Variants in CDC27 observed in about 807,000 individuals in gnomAD.
CDC27 encodes cell division cycle 27.
A neutral mutation model predicts 109.7 loss-of-function variants in CDC27; 27 were observed. That is an observed-to-expected ratio of 0.25 (90% CI 0.18 to 0.34). The LOEUF is 0.34. Among genes scored for constraint, CDC27 ranks in the 10% least tolerant of loss-of-function variants. The pLI is 1.00. For missense variants in CDC27, 579 were observed against 960.2 expected (o/e 0.60, Z 5.25); for synonymous variants, 266 against 333.9 (o/e 0.80, Z 2.22).
Position 47,132,304 on chromosome 17 carries a change from G to A in CDC27, c.1984C>T (p.Leu662Phe), listed in dbSNP as rs374412743. The A allele has an allele frequency of 6.2e-7, 1 of 1,603,092 alleles. No individual in the cohort carries two copies. Among genetic ancestry groups the A allele is most frequent in the Non-Finnish European group, 8.5e-7 (1 of 1,173,542 alleles). The part of the protein sequence containing the change: ...SLAEMHFQKA[L>F]DINPQSSVLL... The stretch of plus-strand genomic sequence containing the variant: ...ACTGAACTTTGAGGGTTGATATCAA[G>A]CGCTTTTTGGAAATGCATTTCTGCA... Residue 662 changes from leucine (L) to phenylalanine (F), a missense_variant, in exon 15 of 19, where the codon CTT becomes TTT. Leu to Phe is a conservative substitution (Grantham distance 22). This residue lies in a region of CDC27 where 227 missense variants were observed against 363.6 expected (regional missense o/e 0.62). Coordinates refer to ENST00000066544, the MANE Select transcript of CDC27 (RefSeq NM_001256.6).
chr17:47,188,101 T>C (rs148410755), intron 1 of CDC27, among the ~76,000 whole-genome samples: 4 of 152,330 alleles, frequency 2.6e-5, no homozygotes, highest in African/African-American at 7.2e-5. Flanking sequence ...ATATTTACTG[T>C]TTGATACCTC....
rs1229246147 is a variant in CDC27 at position 47,159,277 on chromosome 17, A to T, written c.378-974T>A. 4 of 573,944 alleles carry T rather than the reference A, an allele frequency of 7.0e-6. No individual in the cohort carries two copies. In the Admixed American group the frequency reaches 1.2e-4, roughly 18 times the overall value. The allele number at this position is 573,944 out of a possible 1,614,324, so 35.6% of individuals were successfully genotyped here. A position where few individuals can be genotyped will look rare whatever the true frequency, so the allele number is the denominator to read the frequency against. ...ACGAGGTGGTCAGTGAATTCCCGATAGGGAGACTTGGTGAATACAGTCTCC... is the reference window on the plus strand; with the variant it reads ...ACGAGGTGGTCAGTGAATTCCCGATTGGGAGACTTGGTGAATACAGTCTCC... On this transcript the variant is annotated intron_variant, in intron 4 of 18. Coordinates refer to ENST00000066544, the MANE Select transcript of CDC27 (RefSeq NM_001256.6).
In CDC27 at chr17:47,153,644, T is replaced by TATGTGAATTCATAAATG. The variant is rs1480813797; in HGVS notation, c.957+1027_957+1028insCATTTATGAATTCACAT. ...GTATGACTTGTTTAGCTTCCATTTC[T>TATGTGAATTCATAAATG]TGAATATTTATGAAGCATGGCAATA... On this transcript the variant is annotated intron_variant, in intron 8 of 18. Coordinates refer to ENST00000066544, the MANE Select transcript of CDC27 (RefSeq NM_001256.6). Among the ~76,000 whole-genome samples, 5 of 152,334 alleles carry TATGTGAATTCATAAATG rather than the reference T, an allele frequency of 3.3e-5. No homozygotes were observed. The East Asian group carries it at 7.7e-4, about 23-fold the overall frequency.
intron 2 of CDC27, among the ~76,000 whole-genome samples, chr17:47,175,911 A>T (rs192410899): frequency 1.6e-4 from 24 of 152,340 alleles, no homozygotes; most frequent in Middle Eastern, 3.4e-3. Context: ...CTCTGAAGCT[A>T]GACTGCTTGG....
At chr17:47,139,327 C>T (rs1490001373) in intron 12 of CDC27, among the ~76,000 whole-genome samples, 14 of 144,712 alleles carry the variant, frequency 9.7e-5, no homozygotes, top group African/African-American at 2.6e-4. Context: ...AGTGCAGTGG[C>T]GCAATCTCGG....
In CDC27 at chr17:47,157,020, G is replaced by A; in HGVS notation, c.735C>T (p.Val245=). Residue 245 remains valine (V), a synonymous_variant, in exon 7 of 19, where the codon GTC becomes GTT. Transcript: ENST00000066544. ...IDSAVISPDT[V]PLGTGTSILS... ...ATATGGAAGTTCCTGTTCCCAGTGG[G>A]ACAGTATCAGGTGAAATTACAGCTG... 2.1e-6 allele frequency: 3 copies of A among 1,396,648 alleles called. No homozygotes were observed. Among genetic ancestry groups the A allele is most frequent in the Non-Finnish European group, 3.0e-6 (3 of 998,364 alleles). 86.5% of individuals were successfully genotyped at this position (1,396,648 alleles called of 1,614,324 possible).
In CDC27 at chr17:47,129,536, G is replaced by A; in HGVS notation, c.2032-15C>T. ...GCATGTTGAACCTGTAAGAAATAAA[G>A]ATCATGTTAATACTCCCTCTTGATA... On this transcript the variant is annotated splice_polypyrimidine_tract_variant and intron_variant, in intron 15 of 18. Transcript: ENST00000066544. 6.3e-7 allele frequency: 1 copy of A among 1,574,972 alleles called. No individual in the cohort carries two copies. Among genetic ancestry groups the A allele is most frequent in the East Asian group, 2.2e-5 (1 of 44,616 alleles).
At chr17:47,131,854 A>T in intron 15 of CDC27, among the ~76,000 whole-genome samples, 1 of 134,142 alleles carries the variant, frequency 7.5e-6, no homozygotes, top group African/African-American at 2.8e-5. Flanking sequence ...TTTTTTTTGT[A>T]GAGATGGGGT....
intron 14 of CDC27, among the ~76,000 whole-genome samples, chr17:47,135,401 A>G (rs527832683): frequency 6.6e-6 from 1 of 151,218 alleles, no homozygotes; most frequent in East Asian, 1.9e-4. Flanking sequence ...TCTCATGGCC[A>G]TAACTAGATG....
At chr17:47,186,431 T>A (rs1221315393) in intron 1 of CDC27, among the ~76,000 whole-genome samples, 1 of 152,230 alleles carries the variant, frequency 6.6e-6, no homozygotes, top group East Asian at 1.9e-4. Flanking sequence ...ATTTACAACT[T>A]CATCCAACAC....
chr17:47,137,273 G>A lies in CDC27; in HGVS notation c.1792C>T (p.Pro598Ser). The A allele has an allele frequency of 6.2e-7, 1 of 1,611,392 alleles. No individual in the cohort carries two copies. The highest frequency in any genetic ancestry group is 8.5e-7 in the Non-Finnish European group (1 of 1,178,582). Reference sequence around the variant, plus strand: ...AGAGTATAGGCATAAGCGTAATTTGGATCAACTTGGATAGCTCTCTGGAAG... The same window carrying A: ...AGAGTATAGGCATAAGCGTAATTTGAATCAACTTGGATAGCTCTCTGGAAG... ...KFFQRAIQVD[P>S]NYAYAYTLLG... The change falls in exon 14 of 19, where the codon CCA becomes TCA. Residue 598 changes from proline to serine, a missense_variant. Transcript: ENST00000066544.
At chr17:47,180,542 G>A (rs996368899) in intron 2 of CDC27, among the ~76,000 whole-genome samples, 2 of 150,480 alleles carry the variant, frequency 1.3e-5, no homozygotes, top group African/African-American at 4.9e-5. Context: ...ACAACTCTCA[G>A]CTACTAAACC....
intron 1 of CDC27, among the ~76,000 whole-genome samples, chr17:47,187,490 C>T (rs919554755): frequency 1.3e-5 from 2 of 151,732 alleles, no homozygotes; most frequent in African/African-American, 2.4e-5. Flanking sequence ...TTAGTAGAGA[C>T]AGGGTTTCAC....
intron 8 of CDC27, among the ~76,000 whole-genome samples, chr17:47,152,699 A>T (rs1183746024): frequency 6.6e-6 from 1 of 152,212 alleles, no homozygotes; most frequent in East Asian, 1.9e-4. Context: ...CAAACTGCAT[A>T]TTATAAATAA....
chr17:47,128,773 T>A, intron 16 of CDC27, among the ~76,000 whole-genome samples: 1 of 145,036 alleles, frequency 6.9e-6, no homozygotes, highest in Non-Finnish European at 1.5e-5. Context: ...AATTTTTAAT[T>A]TTTTTTTTTT....
intron 1 of CDC27, among the ~76,000 whole-genome samples, chr17:47,187,703 CAA>C (rs35856124): frequency 8.5e-5 from 10 of 117,380 alleles, no homozygotes; most frequent in African/African-American, 1.5e-4. Flanking sequence ...CCAGAGAAGG[CAA>C]AAAAAAAAAA....
intron 5 of CDC27, 139 bp downstream of exon 5, chr17:47,158,065 CTT>C (rs1306448090): frequency 4.8e-6 from 2 of 415,518 alleles, no homozygotes; most frequent in African/African-American, 2.1e-5. Flanking sequence ...AAGATTCTAA[CTT>C]ATTTTTTATT....
chr17:47,174,020 G>C (rs1175285445), intron 2 of CDC27, among the ~76,000 whole-genome samples: 1 of 152,262 alleles, frequency 6.6e-6, no homozygotes, highest in African/African-American at 2.4e-5. Flanking sequence ...CCTGGACCCA[G>C]GAGGCAGAGA....
At chr17:47,132,642 T>G (rs530926948) in intron 14 of CDC27, among the ~76,000 whole-genome samples, 1 of 150,772 alleles carries the variant, frequency 6.6e-6, no homozygotes, top group Non-Finnish European at 1.5e-5. Flanking sequence ...CATAGCTCAC[T>G]GCATCCTTGA....
Sources: gnomAD v4.1 joint callset for allele counts (sites outside exome capture counted in the v4.1 genomes callset) on GRCh38, gnomAD v4.1.1 for gene constraint, gnomAD v4.1.1 regional missense constraint, MANE v1.5 for transcripts, NCBI Gene and HGNC (gene_info 2026-07-23, HGNC 2026-07-21) for gene names.